The following ARFGEF1 variants were observed in gnomAD, a reference collection of about 807,000 sequenced individuals.
The protein encoded by ARFGEF1 is ARF guanine nucleotide exchange factor 1.
In ARFGEF1, 42 loss-of-function variants were observed where a neutral mutation model predicts 231.0. That is an observed-to-expected ratio of 0.18 (90% CI 0.14 to 0.24). The LOEUF (loss-of-function observed/expected upper bound fraction) is 0.24. ARFGEF1 is among the 10% of genes least tolerant of loss of function. ARFGEF1 has a pLI of 1.00. For missense variants in ARFGEF1, 1,345 were observed against 2,192.0 expected (o/e 0.61, Z 7.72); for synonymous variants, 710 against 732.3 (o/e 0.97, Z 0.49).
At chr8:67,225,412 A>T (rs372764140) in intron 28 of ARFGEF1, among the ~76,000 whole-genome samples, 2 of 152,242 alleles carry the variant, frequency 1.3e-5, no homozygotes, top group East Asian at 1.9e-4. Context: ...GACGTATCTA[A>T]AAAGTACCAA....
chr8:67,206,086 A>G (rs958862325), intron 34 of ARFGEF1, among the ~76,000 whole-genome samples: 8 of 152,010 alleles, frequency 5.3e-5, no homozygotes, highest in Non-Finnish European at 1.5e-5. Flanking sequence ...CTTATTTTCA[A>G]AGACATCCAT....
At chr8:67,220,560 T>A (rs1196879759) in intron 29 of ARFGEF1, among the ~76,000 whole-genome samples, 1 of 152,224 alleles carries the variant, frequency 6.6e-6, no homozygotes, top group African/African-American at 2.4e-5. Context: ...TTGGTCTATT[T>A]GATCCCTAAG....
rs764517841 is a variant in ARFGEF1 at position 67,248,477 on chromosome 8, C to T, written c.2850+2822G>A. ...CTAGACTCCTTTATCTTGCCATATA[C>T]AAAAATCAGATCAAAATGGATTAAA... On this transcript the variant is annotated intron_variant, in intron 19 of 38. Transcript: ENST00000262215. Among the ~76,000 whole-genome samples the T allele has an allele frequency of 4.7e-5, 7 of 150,326 alleles. 1 individual carries two copies. Among genetic ancestry groups the T allele is most frequent in the Non-Finnish European group, 1.0e-4 (7 of 67,800 alleles).
intron 5 of ARFGEF1, among the ~76,000 whole-genome samples, chr8:67,181,823 C>A (rs1463621375): frequency 6.6e-6 from 1 of 152,088 alleles, no homozygotes; most frequent in Non-Finnish European, 1.5e-5. Context: ...AACAGTAATT[C>A]CCCATTGCCC....
chr8:67,216,702 T>TGCCACAA lies in ARFGEF1; in HGVS notation c.4614-41_4614-40insTTGTGGC, dbSNP rs766306714. Reference sequence around the variant, plus strand: ...AACCACGTCAATCACTAGGGGGCTGTGCCACATGCCACATCCAGCATATTT... The same window carrying TGCCACAA: ...AACCACGTCAATCACTAGGGGGCTGTGCCACAAGCCACATGCCACATCCAGCATATTT... On this transcript the variant is annotated intron_variant, in intron 32 of 38. Transcript: ENST00000262215. The TGCCACAA allele has an allele frequency of 2.1e-6, 3 of 1,462,062 alleles. No individual in the cohort carries two copies. In the East Asian group the frequency reaches 7.2e-5, roughly 35 times the overall value. 90.6% of individuals were successfully genotyped at this position (1,462,062 alleles called of 1,614,324 possible).
intron 1 of ARFGEF1, among the ~76,000 whole-genome samples, chr8:67,337,320 C>G (rs894487615): frequency 2.0e-5 from 3 of 151,966 alleles, no homozygotes; most frequent in Non-Finnish European, 4.4e-5. Context: ...ATCCTAGTGT[C>G]CCCCATTGAG....
chr8:67,266,641 T>G (rs778053956), intron 13 of ARFGEF1, among the ~76,000 whole-genome samples: 2 of 152,164 alleles, frequency 1.3e-5, no homozygotes, highest in Non-Finnish European at 2.9e-5. Context: ...TGCATAAATA[T>G]GCTTCATTTT....
At chr8:67,236,320 AAAAAAAAAAAAAAAAAAAAGATATTAGTT>A (rs1245877466) in intron 22 of ARFGEF1, among the ~76,000 whole-genome samples, 5 of 103,340 alleles carry the variant, frequency 4.8e-5, no homozygotes, top group African/African-American at 1.6e-4. Flanking sequence ...TGTGACTCAA[AAAAAAAAAAAAAAAAAAAAGATATTAGTT>A]AAAAAAAAAA....
chr8:67,256,146 T>C (rs1459532197), intron 17 of ARFGEF1, among the ~76,000 whole-genome samples: 1 of 152,140 alleles, frequency 6.6e-6, no homozygotes, highest in Non-Finnish European at 1.5e-5. Flanking sequence ...TGTAAAAATA[T>C]CTAAACAAAT....
intron 1 of ARFGEF1, among the ~76,000 whole-genome samples, chr8:67,309,067 C>T (rs992433117): frequency 2.0e-5 from 3 of 152,044 alleles, no homozygotes; most frequent in Admixed American, 6.5e-5. Context: ...TACCATTCTG[C>T]CTTAAAAAGA....
intron 23 of ARFGEF1, among the ~76,000 whole-genome samples, chr8:67,230,900 G>T (rs1277938189): frequency 1.3e-5 from 2 of 151,982 alleles, no homozygotes; most frequent in Admixed American, 1.3e-4. Context: ...TACAAAAGTA[G>T]ATAATTAGAA....
At chr8:67,207,040 T>A (rs1436329613) in intron 34 of ARFGEF1, 2 of 152,194 alleles carry the variant, frequency 1.3e-5, no homozygotes, top group Non-Finnish European at 2.9e-5. Flanking sequence ...GCTATTCTAT[T>A]TAACGTTTAG....
intron 7 of ARFGEF1, among the ~76,000 whole-genome samples, chr8:67,284,062 A>G (rs753164955): frequency 4.6e-5 from 7 of 152,250 alleles, no homozygotes; most frequent in Non-Finnish European, 8.8e-5. Context: ...TGTAACAGCA[A>G]AACACTGGAA....
chr8:67,229,721 C>T (rs549415204), intron 23 of ARFGEF1, among the ~76,000 whole-genome samples: 24 of 152,150 alleles, frequency 1.6e-4, no homozygotes, highest in Admixed American at 1.5e-3. Flanking sequence ...ATTTGGTCAG[C>T]TGATTTCTCA....
At chr8:67,187,742 A>T (rs1835075861) in intron 5 of ARFGEF1, among the ~76,000 whole-genome samples, 1 of 152,178 alleles carries the variant, frequency 6.6e-6, no homozygotes, top group Admixed American at 6.6e-5. Context: ...ACAGAGGACC[A>T]AAGGCAGTAC....
intron 7 of ARFGEF1, among the ~76,000 whole-genome samples, chr8:67,278,789 G>A (rs1323776061): frequency 6.6e-6 from 1 of 151,936 alleles, no homozygotes; most frequent in Non-Finnish European, 1.5e-5. Flanking sequence ...AAAAAAACTG[G>A]ATAATTCCGA....
chr8:67,180,210 G>A (rs907737625), intron 5 of ARFGEF1, among the ~76,000 whole-genome samples: 2 of 152,220 alleles, frequency 1.3e-5, no homozygotes, highest in South Asian at 4.1e-4. Context: ...TCCTTCAGTA[G>A]ATGAATGGTT....
chr8:67,208,163 C>T (rs1352445455), intron 34 of ARFGEF1, among the ~76,000 whole-genome samples: 6 of 152,132 alleles, frequency 3.9e-5, no homozygotes, highest in Admixed American at 6.5e-5. Flanking sequence ...AAATGAAACT[C>T]GGCCACTCAC....
At chr8:67,293,201 T>A (rs1806083814) in intron 5 of ARFGEF1, among the ~76,000 whole-genome samples, 1 of 152,116 alleles carries the variant, frequency 6.6e-6, no homozygotes, top group South Asian at 2.1e-4. Context: ...CAGAACTAAA[T>A]ATCCTTTGTA....
Sources: allele counts gnomAD v4.1 joint callset (sites outside exome capture counted in the v4.1 genomes callset), GRCh38; gene constraint gnomAD v4.1.1; transcripts MANE v1.5; gene names NCBI Gene and HGNC (gene_info 2026-07-23, HGNC 2026-07-21).